Variants in SYTL2 observed in about 807,000 individuals in gnomAD.
SYTL2 encodes synaptotagmin like 2.
In SYTL2, 165 loss-of-function variants were observed where a neutral mutation model predicts 198.7. That is an observed-to-expected ratio of 0.83 (90% CI 0.73 to 0.94). The LOEUF (loss-of-function observed/expected upper bound fraction) is 0.94, where lower values mean the gene tolerates loss of function less well. Among genes scored for constraint, SYTL2 ranks in the 40% least tolerant of loss-of-function variants. The pLI, the probability that SYTL2 is intolerant of heterozygous loss-of-function variation, is 0.00. For missense variants in SYTL2, 2,835 were observed against 2,582.8 expected (o/e 1.10, Z -2.12); for synonymous variants, 966 against 917.7 (o/e 1.05, Z -0.95).
At chr11:85,814,623 G>C (rs1371808508), upstream of SYTL2, among the ~76,000 whole-genome samples, 1 of 152,174 alleles carries the variant, frequency 6.6e-6, no homozygotes, top group Non-Finnish European at 1.5e-5. Flanking sequence ...TGCCTTCTTG[G>C]AATGGTGGAA....
chr11:85,814,247 T>C (rs1172169934), upstream of SYTL2, among the ~76,000 whole-genome samples: 2 of 152,206 alleles, frequency 1.3e-5, no homozygotes, highest in Non-Finnish European at 2.9e-5. Context: ...CTGTCACCCC[T>C]TCCAGATGAC....
intron 1 of SYTL2, among the ~76,000 whole-genome samples, chr11:85,793,793 G>T (rs1029699609): frequency 1.3e-5 from 2 of 152,154 alleles, no homozygotes; most frequent in Admixed American, 6.5e-5. Context: ...CCCAAAAAAG[G>T]TTGGAGAATC....
At chr11:85,828,135 T>A in the SYTL2 span, among the ~76,000 whole-genome samples, 1 of 152,124 alleles carries the variant, frequency 6.6e-6, no homozygotes, top group African/African-American at 2.4e-5. Flanking sequence ...GATGGCAAAA[T>A]ACAGCCATAA....
the SYTL2 span, chr11:85,854,540 C>T: frequency 6.6e-6 from 1 of 152,096 alleles, no homozygotes; most frequent in Non-Finnish European, 1.5e-5. Context: ...GAATCAAGGA[C>T]TTATACAGCA....
At chr11:85,769,467 C>T (rs2092311580) in intron 1 of SYTL2, among the ~76,000 whole-genome samples, 2 of 152,198 alleles carry the variant, frequency 1.3e-5, no homozygotes, top group Admixed American at 6.5e-5. Flanking sequence ...TCCCCTAGAG[C>T]CTCCTGAAGG....
chr11:85,747,610 G>A (rs2091244355), intron 3 of SYTL2, among the ~76,000 whole-genome samples: 1 of 152,132 alleles, frequency 6.6e-6, no homozygotes, highest in South Asian at 2.1e-4. Context: ...CAATAAGCAG[G>A]TGAAGAACCA....
intron 14 of SYTL2, 51 bp from the exon 15 acceptor site, chr11:85,707,582 TC>T (rs746835691): frequency 5.9e-5 from 72 of 1,210,402 alleles, no homozygotes; most frequent in Non-Finnish European, 7.6e-5. Context: ...AAGTTATGTT[TC>T]CACCTCTAGT....
intron 8 of SYTL2, 50 bp downstream of exon 8, chr11:85,723,982 G>T: frequency 9.4e-7 from 1 of 1,069,452 alleles, no homozygotes; most frequent in Non-Finnish European, 1.3e-6. Flanking sequence ...CTTTACATCA[G>T]CATTCCATAA....
intron 1 of SYTL2, among the ~76,000 whole-genome samples, chr11:85,770,818 A>AT (rs2092339415): frequency 6.6e-6 from 1 of 152,000 alleles, no homozygotes; most frequent in Admixed American, 6.5e-5. Context: ...AGCAGGCAAC[A>AT]TTTTCTCTTT....
In SYTL2 at chr11:85,720,868, T is replaced by C; in HGVS notation, c.5418A>G (p.Ser1806=). ...GAACTTTATTCTCACTTGATGAATCTGATGAAATGTCTTCTAGACTTTTGG... is the reference window on the plus strand; with the variant it reads ...GAACTTTATTCTCACTTGATGAATCCGATGAAATGTCTTCTAGACTTTTGG... ...MPSKSLEDIS[S]DSSNQAKVDN... Residue 1806 remains serine (S), a synonymous_variant, in exon 9 of 20, where the codon TCA becomes TCG. Coordinates refer to ENST00000359152, the MANE Select transcript of SYTL2 (RefSeq NM_206927.4). 2 of 1,611,566 alleles carry C rather than the reference T, an allele frequency of 1.2e-6. No homozygotes were observed. The highest frequency in any genetic ancestry group is 2.7e-5 in the African/African-American group (2 of 75,006).
At chr11:85,749,867 G>A (rs990845827) in intron 2 of SYTL2, among the ~76,000 whole-genome samples, 10 of 152,120 alleles carry the variant, frequency 6.6e-5, no homozygotes, top group African/African-American at 2.4e-4. Context: ...TGAGTTCCTG[G>A]GGGCAGGGTC....
intron 1 of SYTL2, among the ~76,000 whole-genome samples, chr11:85,803,758 G>A (rs2153654332): frequency 6.6e-6 from 1 of 152,292 alleles, no homozygotes; most frequent in Middle Eastern, 3.4e-3. Flanking sequence ...TCAATTGTTT[G>A]TTTGGCCATT....
rs200045793 is a variant in SYTL2 at position 85,725,334 on chromosome 11, G to A, written c.4024C>T (p.Gln1342Ter). ...LFPQDAHLVPQARVHPSQTEI... is the reference protein window; with the variant it reads ...LFPQDAHLVP The stretch of plus-strand genomic sequence containing the variant: ...GTTTGAGAAGGGTGTACCCTAGCCT[G>A]GGGAACAAGATGAGCATCCTGGGGA... The change falls in exon 8 of 20, where the codon CAG becomes TAG. Residue 1342 changes from glutamine to a stop codon, truncating the protein, a stop_gained. Coordinates refer to ENST00000359152, the MANE Select transcript of SYTL2 (RefSeq NM_206927.4). LOFTEE classifies it high-confidence loss of function. 7.4e-6 allele frequency: 12 copies of A among 1,613,940 alleles called. No individual in the cohort carries two copies. Among genetic ancestry groups the A allele is most frequent in the African/African-American group, 1.3e-5 (1 of 75,050 alleles).
At chr11:85,795,986 C>A (rs2092798682) in intron 1 of SYTL2, among the ~76,000 whole-genome samples, 1 of 152,204 alleles carries the variant, frequency 6.6e-6, no homozygotes, top group South Asian at 2.1e-4. Context: ...GAGTAGGCAC[C>A]AGAAGCTTAA....
chr11:85,824,374 C>G, the SYTL2 span, among the ~76,000 whole-genome samples: 2 of 152,014 alleles, frequency 1.3e-5, no homozygotes, highest in South Asian at 4.1e-4. Context: ...AGGCATCATT[C>G]AAAATGACAT....
At chr11:85,817,184 T>C in the SYTL2 span, among the ~76,000 whole-genome samples, 1 of 152,170 alleles carries the variant, frequency 6.6e-6, no homozygotes, top group Non-Finnish European at 1.5e-5. Flanking sequence ...CTACTACTAT[T>C]TGAGTACGTC....
At chr11:85,711,071 G>C in intron 13 of SYTL2, 42 bp downstream of exon 13, 8 of 1,604,802 alleles carry the variant, frequency 5.0e-6, no homozygotes, top group Non-Finnish European at 6.8e-6. Context: ...GCAAGGTTCA[G>C]AGACGCGGAG....
upstream of SYTL2, among the ~76,000 whole-genome samples, chr11:85,811,484 AG>A (rs1434839600): frequency 6.6e-6 from 1 of 152,110 alleles, no homozygotes; most frequent in East Asian, 1.9e-4. Flanking sequence ...TTGGAGCCCG[AG>A]AGTGTGGAGC....
At chr11:85,747,182 T>C (rs1344791780) in intron 3 of SYTL2, among the ~76,000 whole-genome samples, 1 of 152,072 alleles carries the variant, frequency 6.6e-6, no homozygotes, top group African/African-American at 2.4e-5. Context: ...TTGCCAGGCA[T>C]GGTGGCTTAT....
Sources: allele counts gnomAD v4.1 joint callset (sites outside exome capture counted in the v4.1 genomes callset), GRCh38; gene constraint gnomAD v4.1.1; transcripts MANE v1.5; gene names NCBI Gene and HGNC (gene_info 2026-07-23, HGNC 2026-07-21).